Variants in SPATA17 observed in about 807,000 individuals in gnomAD.
SPATA17 encodes the protein spermatogenesis-associated protein 17.
Under a neutral mutation model 62.2 loss-of-function variants are expected in SPATA17, and 53 were observed. The observed-to-expected ratio is 0.85, with a 90% confidence interval of 0.68 to 1.07. The LOEUF is 1.07. SPATA17 is among the 50% of genes least tolerant of loss of function. The probability of loss-of-function intolerance (pLI) is 0.00; values close to 1 mark genes in which losing one functional copy is unlikely to be tolerated. For synonymous variants in SPATA17, 146 were observed against 146.8 expected, an observed-to-expected ratio of 0.99 and a Z score of 0.04; for missense variants, 466 against 425.5, an observed-to-expected ratio of 1.10 and a Z score of -0.84.
intron 8 of SPATA17, among the ~76,000 whole-genome samples, chr1:217,793,965 A>C (rs1458957745): frequency 2.0e-5 from 3 of 151,820 alleles, no homozygotes; most frequent in Non-Finnish European, 2.9e-5. Context: ...AAACGCAAAA[A>C]ATTAGTTGGG....
intron 5 of SPATA17, among the ~76,000 whole-genome samples, chr1:217,716,668 G>T (rs190530759): frequency 6.6e-6 from 1 of 152,144 alleles, no homozygotes; most frequent in Non-Finnish European, 1.5e-5. Flanking sequence ...CTATATGTAG[G>T]TATAGGATAC....
At chr1:217,858,916 C>T (rs983258111) in intron 9 of SPATA17, among the ~76,000 whole-genome samples, 3 of 151,458 alleles carry the variant, frequency 2.0e-5, no homozygotes, top group Admixed American at 6.6e-5. Context: ...TAATCCCAGC[C>T]TCTTGGGAGG....
chr1:217,700,045 C>T (rs542463746), intron 5 of SPATA17, among the ~76,000 whole-genome samples: 97 of 152,266 alleles, frequency 6.4e-4, no homozygotes, highest in Middle Eastern at 3.4e-3. Context: ...TGACAAAACA[C>T]ACTATCTTAT....
chr1:217,828,344 A>T (rs77686054), intron 9 of SPATA17, among the ~76,000 whole-genome samples: 1,609 of 151,948 alleles, frequency 0.011, 33 homozygotes, highest in African/African-American at 0.037. Flanking sequence ...AGTCTCTTTG[A>T]CAAATGATGC....
chr1:217,833,562 G>A (rs187595812), intron 9 of SPATA17, among the ~76,000 whole-genome samples: 4 of 152,176 alleles, frequency 2.6e-5, no homozygotes, highest in African/African-American at 9.6e-5. Context: ...TAACCATTTG[G>A]TTTCATTTTC....
At chr1:217,845,590 C>T (rs957567287) in intron 9 of SPATA17, among the ~76,000 whole-genome samples, 2 of 151,982 alleles carry the variant, frequency 1.3e-5, no homozygotes, top group Admixed American at 1.3e-4. Flanking sequence ...TGCAGCTCAG[C>T]AATTTTATGT....
chr1:217,860,754 G>A (rs1399589570), intron 9 of SPATA17, among the ~76,000 whole-genome samples: 5 of 151,954 alleles, frequency 3.3e-5, no homozygotes, highest in South Asian at 2.1e-4. Flanking sequence ...GTTTCATGTC[G>A]ACGACATATA....
chr1:217,811,293 G>A (rs955625608), intron 9 of SPATA17, among the ~76,000 whole-genome samples: 1 of 152,190 alleles, frequency 6.6e-6, no homozygotes, highest in Non-Finnish European at 1.5e-5. Flanking sequence ...TTCCCAAAGT[G>A]CTGGGATTAC....
intron 6 of SPATA17, among the ~76,000 whole-genome samples, chr1:217,771,030 G>A (rs1396535926): frequency 4.8e-5 from 4 of 83,694 alleles, no homozygotes; most frequent in Non-Finnish European, 6.3e-5. Flanking sequence ...AGTCAGAATC[G>A]TAGCCTTTAA....
chr1:217,699,323 G>A (rs1286343277), intron 5 of SPATA17, among the ~76,000 whole-genome samples: 1 of 152,034 alleles, frequency 6.6e-6, no homozygotes, highest in African/African-American at 2.4e-5. Flanking sequence ...ATTCCCACCA[G>A]GAATGTATGA....
intron 6 of SPATA17, among the ~76,000 whole-genome samples, chr1:217,747,143 C>A (rs999400976): frequency 6.6e-6 from 1 of 151,994 alleles, no homozygotes; most frequent in Non-Finnish European, 1.5e-5. Flanking sequence ...AAGTAAAATG[C>A]AAATATTGCT....
At chr1:217,810,383 C>A (rs1247974757) in intron 9 of SPATA17, among the ~76,000 whole-genome samples, 1 of 151,974 alleles carries the variant, frequency 6.6e-6, no homozygotes, top group African/African-American at 2.4e-5. Flanking sequence ...AAAGAAACTA[C>A]CTGGCCAAGG....
At chr1:217,688,866 T>C (rs886190402) in intron 5 of SPATA17, among the ~76,000 whole-genome samples, 1 of 148,292 alleles carries the variant, frequency 6.7e-6, no homozygotes, top group Admixed American at 6.7e-5. Context: ...GAACACCCTG[T>C]CTTAATTATC....
chr1:217,760,274 C>G (rs1673141267), intron 6 of SPATA17, among the ~76,000 whole-genome samples: 1 of 151,956 alleles, frequency 6.6e-6, no homozygotes, highest in Admixed American at 6.6e-5. Flanking sequence ...TTTTCTGGGC[C>G]TTCTACTATC....
intron 5 of SPATA17, among the ~76,000 whole-genome samples, chr1:217,724,028 GA>G (rs1234637845): frequency 6.6e-6 from 1 of 152,170 alleles, no homozygotes; most frequent in Non-Finnish European, 1.5e-5. Context: ...ACATGGAAAG[GA>G]AACAGGAGTG....
chr1:217,834,725 A>G (rs1675222631), intron 9 of SPATA17, among the ~76,000 whole-genome samples: 1 of 152,158 alleles, frequency 6.6e-6, no homozygotes. Flanking sequence ...AGTCTAGTTT[A>G]TTATAATATT....
At chr1:217,758,545 G>A (rs1673099775) in intron 6 of SPATA17, among the ~76,000 whole-genome samples, 1 of 152,106 alleles carries the variant, frequency 6.6e-6, no homozygotes, top group Non-Finnish European at 1.5e-5. Context: ...GTGGAGGTGG[G>A]AATTTGGATT....
chr1:217,858,376 T>G (rs1228171983), intron 9 of SPATA17, among the ~76,000 whole-genome samples: 1 of 152,142 alleles, frequency 6.6e-6, no homozygotes, highest in Admixed American at 6.5e-5. Flanking sequence ...GAGAGGAAAA[T>G]ACTAGTGTTA....
At chr1:217,716,638 A>G (rs1414843745) in intron 5 of SPATA17, among the ~76,000 whole-genome samples, 2 of 152,244 alleles carry the variant, frequency 1.3e-5, no homozygotes, top group Non-Finnish European at 2.9e-5. Context: ...AAACACTTTA[A>G]TTACAGACAT....
Sources: allele counts gnomAD v4.1 joint callset (sites outside exome capture counted in the v4.1 genomes callset), GRCh38; gene constraint gnomAD v4.1.1; transcripts MANE v1.5; gene names NCBI Gene and HGNC (gene_info 2026-07-23, HGNC 2026-07-21).